Variants in AHI1 observed in about 807,000 individuals in gnomAD.
AHI1 encodes the protein Abelson helper integration site 1, also known as jouberin.
AHI1 carries 123 observed loss-of-function variants against 149.3 expected under a neutral mutation model. That is an observed-to-expected ratio of 0.82 (90% confidence interval 0.71 to 0.96). AHI1 has a LOEUF of 0.96. Ranked by LOEUF, AHI1 falls within the 40% of genes least tolerant of loss-of-function variation. AHI1 has a pLI of 0.00. For missense variants in AHI1, 1,439 were observed against 1,422.7 expected, an observed-to-expected ratio of 1.01 and a Z score of -0.18; for synonymous variants, 475 against 459.8, an observed-to-expected ratio of 1.03 and a Z score of -0.42.
chr6:135,294,521 C>T (rs979014950), intron 27 of AHI1, among the ~76,000 whole-genome samples: 1 of 151,322 alleles, frequency 6.6e-6, no homozygotes, highest in Non-Finnish European at 1.5e-5. Context: ...AACAAACAAA[C>T]AAACAAACAA....
intron 8 of AHI1, among the ~76,000 whole-genome samples, chr6:135,458,154 A>G (rs1425833424): frequency 6.6e-6 from 1 of 152,214 alleles, no homozygotes; most frequent in African/African-American, 2.4e-5. Flanking sequence ...GCATCAGAAA[A>G]GTACAGAAAG....
chr6:135,470,704 G>A (rs915594641), intron 5 of AHI1, among the ~76,000 whole-genome samples: 2 of 151,998 alleles, frequency 1.3e-5, no homozygotes, highest in Non-Finnish European at 2.9e-5. Context: ...ACCAAACACT[G>A]CATGTTATCA....
At chr6:135,431,431 A>T (rs1354988489) in intron 16 of AHI1, 117 bp from the exon 17 acceptor site, 6 of 527,420 alleles carry the variant, frequency 1.1e-5, no homozygotes, top group Non-Finnish European at 1.9e-5. Context: ...AAGGGCTATT[A>T]AAAGGTATTT....
intron 5 of AHI1, among the ~76,000 whole-genome samples, chr6:135,469,704 A>C (rs1420697809): frequency 2.0e-5 from 3 of 152,212 alleles, no homozygotes; most frequent in African/African-American, 7.2e-5. Context: ...TGACAAAAAC[A>C]ACCAATAGGG....
intron 11 of AHI1, among the ~76,000 whole-genome samples, chr6:135,452,031 A>G (rs956696551): frequency 3.9e-5 from 6 of 152,166 alleles, no homozygotes; most frequent in Non-Finnish European, 5.9e-5. Flanking sequence ...TGACTATAAA[A>G]CTTCTAAAAT....
Position 135,386,782 on chromosome 6 carries a change from C to G in AHI1, c.3109+7994G>C, listed in dbSNP as rs1338197056. ...AGTAGCTGGGATTACAGGCGCCCAC[C>G]ACCATGCCTGGCTAATTTTTGTAAT... On this transcript the variant is annotated intron_variant, in intron 23 of 28. Coordinates refer to ENST00000265602, the MANE Select transcript of AHI1 (RefSeq NM_001134831.2). Among the ~76,000 whole-genome samples the G allele has an allele frequency of 2.0e-5, 3 of 152,178 alleles. No individual in the cohort carries two copies. The East Asian group carries it at 5.8e-4, about 29-fold the overall frequency.
chr6:135,490,120 T>C (rs1455774043), intron 5 of AHI1: 9 of 713,500 alleles, frequency 1.3e-5, no homozygotes, highest in Admixed American at 2.0e-5. Context: ...TTGAGCACTG[T>C]ATTTTTAATT....
intron 25 of AHI1, among the ~76,000 whole-genome samples, chr6:135,321,175 A>C (rs1007331166): frequency 6.6e-6 from 1 of 152,152 alleles, no homozygotes; most frequent in Non-Finnish European, 1.5e-5. Flanking sequence ...AGATGGGAGG[A>C]CTGCTTGAGC....
intron 5 of AHI1, among the ~76,000 whole-genome samples, chr6:135,476,861 T>C (rs1792734358): frequency 6.6e-6 from 1 of 152,190 alleles, no homozygotes; most frequent in Admixed American, 6.5e-5. Flanking sequence ...TGCCCTTACA[T>C]TGAAAGCAAG....
intron 23 of AHI1, among the ~76,000 whole-genome samples, chr6:135,386,249 TA>T (rs775359702): frequency 2.6e-3 from 361 of 139,400 alleles, no homozygotes; most frequent in Non-Finnish European, 2.6e-3. Flanking sequence ...ACATTTTTGG[TA>T]AAAAAAAAAA....
intron 5 of AHI1, among the ~76,000 whole-genome samples, chr6:135,472,100 G>T (rs982718408): frequency 1.5e-5 from 2 of 133,870 alleles, no homozygotes; most frequent in African/African-American, 5.5e-5. Flanking sequence ...ATAATTAAAT[G>T]AATTTTGGCA....
intron 5 of AHI1, among the ~76,000 whole-genome samples, chr6:135,469,703 C>CA (rs1253951008): frequency 1.3e-5 from 2 of 152,080 alleles, no homozygotes; most frequent in East Asian, 1.9e-4. Context: ...CTGACAAAAA[C>CA]AACCAATAGG....
In AHI1 at chr6:135,473,035, CTT is replaced by C. The variant is rs1034398165; in HGVS notation, c.136-5403_136-5402del. 1.6e-3 allele frequency among the ~76,000 whole-genome samples: 239 copies of C among 152,228 alleles called. 1 individual carries two copies. Among genetic ancestry groups the C allele is most frequent in the African/African-American group, 5.4e-3 (223 of 41,558 alleles). ...TTCATGTTTTTGTATCCTGAGAAAT[CTT>C]TGCTCAACCCAAGGTTACAATTATC... On this transcript the variant is annotated intron_variant, in intron 5 of 28. Transcript: ENST00000265602.
chr6:135,463,688 A>T (rs1262207043), intron 7 of AHI1, among the ~76,000 whole-genome samples: 7 of 152,226 alleles, frequency 4.6e-5, no homozygotes, highest in African/African-American at 1.7e-4. Context: ...AAAGGTATAA[A>T]AAGTATTCTA....
At chr6:135,446,632 C>T (rs950829600) in intron 13 of AHI1, among the ~76,000 whole-genome samples, 2 of 152,106 alleles carry the variant, frequency 1.3e-5, no homozygotes, top group Non-Finnish European at 2.9e-5. Context: ...GAAGAGGAGG[C>T]GGGCTCCAAG....
Position 135,490,688 on chromosome 6 carries a change from T to C in AHI1, c.70A>G (p.Ser24Gly), listed in dbSNP as rs28395415. ...TTTTTCTTTTCACGCATTAGATCACTGTGGGTCTTAAGCAATTCTTCAAAG... is the reference window on the plus strand; with the variant it reads ...TTTTTCTTTTCACGCATTAGATCACCGTGGGTCTTAAGCAATTCTTCAAAG... ...VRFEELLKTH[S>G]DLMREKKKLK... Residue 24 changes from serine to glycine, a missense_variant, in exon 5 of 29, where the codon AGT (serine) becomes GGT (glycine). Coordinates refer to ENST00000265602, the MANE Select transcript of AHI1 (RefSeq NM_001134831.2). The C allele has an allele frequency of 4.3e-6, 7 of 1,613,666 alleles. No individual in the cohort carries two copies. The highest frequency in any genetic ancestry group is 3.3e-5 in the South Asian group (3 of 91,056).
chr6:135,427,896 G>A (rs935223361), intron 19 of AHI1, among the ~76,000 whole-genome samples: 4 of 151,224 alleles, frequency 2.6e-5, no homozygotes, highest in African/African-American at 7.3e-5. Flanking sequence ...GAGACTTGTT[G>A]CTACTGAATT....
At position 135,297,249 on chromosome 6, in the gene AHI1, T is replaced by C. The variant is rs1381135365; in HGVS notation, c.3485+3251A>G. ...TCAAGACACTCACATTGCATTCTTCTAGAGCCACAATCTCTATCCTGTTTT... is the reference window on the plus strand; with the variant it reads ...TCAAGACACTCACATTGCATTCTTCCAGAGCCACAATCTCTATCCTGTTTT... On this transcript the variant is annotated intron_variant, in intron 27 of 28. Coordinates refer to ENST00000265602, the MANE Select transcript of AHI1 (RefSeq NM_001134831.2). Among the ~76,000 whole-genome samples the C allele has an allele frequency of 2.6e-5, 4 of 152,220 alleles. No individual in the cohort carries two copies. The East Asian group carries it at 7.7e-4, about 29-fold the overall frequency.
At chr6:135,382,894 TAAAAAAAAAAA>T (rs573438726) in intron 23 of AHI1, among the ~76,000 whole-genome samples, 2 of 15,590 alleles carry the variant, frequency 1.3e-4, no homozygotes, top group Admixed American at 1.3e-3. Flanking sequence ...GCAAAATTAG[TAAAAAAAAAAA>T]AAAAAAAAAA....
Sources: gnomAD v4.1 joint callset for allele counts (sites outside exome capture counted in the v4.1 genomes callset) on GRCh38, gnomAD v4.1.1 for gene constraint, MANE v1.5 for transcripts, NCBI Gene and HGNC (gene_info 2026-07-23, HGNC 2026-07-21) for gene names.